FRMPD4: variants seen among roughly 807,000 people sequenced by gnomAD.
FRMPD4 encodes the protein FERM and PDZ domain-containing protein 4.
In FRMPD4, 22 loss-of-function variants were observed where a neutral mutation model predicts 94.1. The observed-to-expected ratio is 0.23, with a 90% CI of 0.17 to 0.33. FRMPD4 has a LOEUF of 0.33. FRMPD4 is among the 10% of genes least tolerant of loss of function. The pLI is 1.00. For missense variants in FRMPD4, 1,111 were observed against 1,339.9 expected (o/e 0.83, Z 2.67); for synonymous variants, 631 against 548.6 (o/e 1.15, Z -2.10).
chrX:12,435,353 A>C (rs1239661424), intron 1 of FRMPD4, among the ~76,000 whole-genome samples: 1 of 111,749 alleles, frequency 8.9e-6, no homozygotes, highest in Non-Finnish European at 1.9e-5. Flanking sequence ...TTGAATATCT[A>C]TTGTATATTC....
At chrX:12,498,859 T>C in intron 2 of FRMPD4, 63 bp downstream of exon 2, 2 of 618,663 alleles carry the variant, frequency 3.2e-6, no homozygotes, top group Non-Finnish European at 5.2e-6. Flanking sequence ...TATCTTTGTT[T>C]ATGAGAATGA....
intron 1 of FRMPD4, among the ~76,000 whole-genome samples, chrX:12,447,855 T>TAAGGG (rs2057218162): frequency 8.9e-6 from 1 of 112,206 alleles, no homozygotes; most frequent in Admixed American, 9.4e-5. Context: ...CTCACTGTGT[T>TAAGGG]TCCTTTCTAT....
At chrX:12,259,303 C>T (rs1601749382) in intron 1 of FRMPD4, among the ~76,000 whole-genome samples, 2 of 110,413 alleles carry the variant, frequency 1.8e-5, no homozygotes, top group South Asian at 3.9e-4. Flanking sequence ...TAGGGTGGGG[C>T]CTAAACCCAA....
chrX:12,213,923 G>A (rs1363214504), intron 1 of FRMPD4, among the ~76,000 whole-genome samples: 1 of 111,661 alleles, frequency 9.0e-6, no homozygotes, highest in East Asian at 2.8e-4. Flanking sequence ...ATTTATCTTG[G>A]CACATATATT....
intron 3 of FRMPD4, among the ~76,000 whole-genome samples, chrX:12,112,973 C>T (rs760321297): frequency 9.8e-5 from 11 of 111,677 alleles, no homozygotes; most frequent in Non-Finnish European, 1.9e-4. Flanking sequence ...ATTATTGCCA[C>T]GCCAACCAGA....
chrX:12,260,999 A>G (rs1016972), intron 1 of FRMPD4, among the ~76,000 whole-genome samples: 50,779 of 110,294 alleles, frequency 0.46, 8,445 homozygotes, highest in Non-Finnish European at 0.53. Flanking sequence ...TACACTTACA[A>G]TGGATGCAGA....
chrX:12,206,689 A>G (rs1406421253), intron 1 of FRMPD4, among the ~76,000 whole-genome samples: 2 of 112,036 alleles, frequency 1.8e-5, no homozygotes, highest in Non-Finnish European at 3.8e-5. Context: ...TACAAGTTTC[A>G]GTGTCTGTCC....
chrX:12,260,789 AT>A (rs2054177852), intron 1 of FRMPD4, among the ~76,000 whole-genome samples: 1 of 112,135 alleles, frequency 8.9e-6, no homozygotes, highest in African/African-American at 3.2e-5. Context: ...GTAATAACAA[AT>A]TTAGTTCTCC....
chrX:11,993,960 C>CTAA (rs774396436), intron 3 of FRMPD4, among the ~76,000 whole-genome samples: 1 of 111,087 alleles, frequency 9.0e-6, no homozygotes, highest in Admixed American at 9.6e-5. Context: ...GATTTATGTA[C>CTAA]TAATAGCAAC....
At chrX:11,964,574 A>G (rs1396092849) in intron 3 of FRMPD4, among the ~76,000 whole-genome samples, 7 of 111,955 alleles carry the variant, frequency 6.3e-5, no homozygotes, top group Non-Finnish European at 1.3e-4. Flanking sequence ...GGAACTGCCA[A>G]CAGTCTTACA....
chrX:12,440,394 G>A (rs2057122034), intron 1 of FRMPD4, among the ~76,000 whole-genome samples: 1 of 111,597 alleles, frequency 9.0e-6, no homozygotes, highest in African/African-American at 3.3e-5. Context: ...AGTAGGAAGA[G>A]GAGAACAGGG....
intron 3 of FRMPD4, among the ~76,000 whole-genome samples, chrX:11,972,828 A>G (rs751626123): frequency 6.2e-5 from 7 of 112,655 alleles, no homozygotes; most frequent in African/African-American, 2.3e-4. Flanking sequence ...AAAATTCATA[A>G]TCAGGTGGCC....
rs1299545504 is a variant in FRMPD4 at position 12,718,696 on chromosome X, A to G, written c.3870A>G (p.Thr1290=). 8.3e-7 allele frequency: 1 copy of G among 1,208,934 alleles called. No homozygotes were observed. The highest frequency in any genetic ancestry group is 2.2e-5 in the Admixed American group (1 of 46,096). Residue 1290 remains threonine, a synonymous_variant, in exon 16 of 17, where the codon ACA becomes ACG. Coordinates refer to ENST00000675598, the MANE Select transcript of FRMPD4 (RefSeq NM_001368397.1). The stretch of plus-strand genomic sequence containing the variant: ...CAGAAGGGATGTGTCCACGGATGAC[A>G]GTGCCTGCTCTGCACACAGCCATTA... ...PQTEGMCPRM[T]VPALHTAINT... is the part of the protein sequence containing the mutation.
chrX:12,085,599 T>G (rs1457682044), intron 3 of FRMPD4, among the ~76,000 whole-genome samples: 1 of 111,885 alleles, frequency 8.9e-6, no homozygotes. Context: ...CATGTGGGCA[T>G]GATTTCTCGT....
intron 1 of FRMPD4, among the ~76,000 whole-genome samples, chrX:12,397,033 T>C (rs2056550685): frequency 1.8e-5 from 2 of 111,404 alleles, no homozygotes; most frequent in African/African-American, 6.5e-5. Context: ...AGTTCACATA[T>C]GCATCAAAGA....
intron 13 of FRMPD4, 75 bp downstream of exon 13, chrX:12,707,726 G>A (rs2041905670): frequency 1.2e-6 from 1 of 849,435 alleles, no homozygotes; most frequent in African/African-American, 2.0e-5. Context: ...ATGTTTACAA[G>A]GCAGGCAAAA....
At chrX:12,564,029 G>A (rs1056475491) in intron 2 of FRMPD4, among the ~76,000 whole-genome samples, 8 of 112,382 alleles carry the variant, frequency 7.1e-5, no homozygotes, top group East Asian at 2.8e-4. Context: ...AGCAGATCCA[G>A]TGTCTGGTGA....
intron 1 of FRMPD4, among the ~76,000 whole-genome samples, chrX:12,186,790 T>G (rs1281744623): frequency 8.9e-6 from 1 of 112,589 alleles, no homozygotes; most frequent in African/African-American, 3.2e-5. Context: ...ACTGTCTTTC[T>G]GTGGGTTCCC....
chrX:12,229,883 C>T (rs1037179107), intron 1 of FRMPD4, among the ~76,000 whole-genome samples: 1 of 112,244 alleles, frequency 8.9e-6, no homozygotes, highest in Admixed American at 9.4e-5. Context: ...CACTGTAGCA[C>T]GTCTCCTGAA....
Sources: allele counts gnomAD v4.1 joint callset (sites outside exome capture counted in the v4.1 genomes callset), GRCh38; gene constraint gnomAD v4.1.1; transcripts MANE v1.5; gene names NCBI Gene and HGNC (gene_info 2026-07-23, HGNC 2026-07-21).